Variants in TSHR observed in about 807,000 individuals in gnomAD.
TSHR encodes the protein thyroid stimulating hormone receptor.
TSHR carries 51 observed loss-of-function variants against 64.1 expected under a neutral mutation model. The observed-to-expected ratio is 0.80, with a 90% confidence interval of 0.64 to 1.01. The LOEUF (loss-of-function observed/expected upper bound fraction) is 1.01, where lower values mean the gene tolerates loss of function less well. TSHR is among the 50% of genes least tolerant of loss of function. The pLI is 0.00. For synonymous variants in TSHR, 361 were observed against 361.9 expected (o/e 1.00, Z 0.03); for missense variants, 877 against 942.8 (o/e 0.93, Z 0.91).
chr14:81,050,639 C>G (rs1365991414), intron 1 of TSHR: 1 of 152,122 alleles, frequency 6.6e-6, no homozygotes, highest in Non-Finnish European at 1.5e-5. Context: ...GTGGTAGGTA[C>G]AATCCTATAA....
chr14:81,110,394 C>T (rs933920102), intron 8 of TSHR, among the ~76,000 whole-genome samples: 3 of 152,156 alleles, frequency 2.0e-5, no homozygotes, highest in African/African-American at 4.8e-5. Context: ...GATGGGCGCT[C>T]ACAGAGGAAA....
chr14:81,082,081 C>T (rs796228107), intron 3 of TSHR, among the ~76,000 whole-genome samples: 1 of 152,028 alleles, frequency 6.6e-6, no homozygotes, highest in Admixed American at 6.6e-5. Context: ...CTTGATAATA[C>T]TATTTAATGT....
intron 1 of TSHR, among the ~76,000 whole-genome samples, chr14:81,034,402 G>A (rs1884517162): frequency 1.3e-5 from 2 of 152,196 alleles, no homozygotes; most frequent in South Asian, 2.1e-4. Flanking sequence ...TGGAGCAGAA[G>A]GATCGCTTGA....
rs149834591 is a variant in TSHR, at chr14:80,978,856, G to C, written c.170+23006G>C. Among the ~76,000 whole-genome samples the C allele has an allele frequency of 7.9e-3, 1,203 of 152,238 alleles. 11 individuals carry two copies. Among genetic ancestry groups the C allele is most frequent in the Middle Eastern group, 0.044 (13 of 294 alleles). Reference sequence around the variant, plus strand: ...CTCTACCTATCATTTAAATGATGCTGGATGGTTTTGAGGTTCTTATCTCAT... The same window carrying C: ...CTCTACCTATCATTTAAATGATGCTCGATGGTTTTGAGGTTCTTATCTCAT... On this transcript the variant is annotated intron_variant, in intron 1 of 9. Transcript: ENST00000298171.
intron 8 of TSHR, among the ~76,000 whole-genome samples, chr14:81,118,221 A>C (rs1340816484): frequency 2.0e-5 from 2 of 99,310 alleles, no homozygotes; most frequent in Non-Finnish European, 3.9e-5. Flanking sequence ...AATTAGGAAA[A>C]GAGGAAGTCA....
At position 81,143,605 on chromosome 14, in the gene TSHR, C is replaced by T. The variant is rs765336502; in HGVS notation, c.1547C>T (p.Thr516Ile). The change falls in exon 10 of 10, where the codon ACC becomes ATC. Residue 516 changes from threonine to isoleucine, a missense_variant. By Grantham distance (89) the Thr-to-Ile change is moderately conservative. Coordinates refer to ENST00000298171, the MANE Select transcript of TSHR (RefSeq NM_000369.5). ...ELSVYTLTVI[T>I]LERWYAITFA... ...TCGGTGTATACGCTGACGGTCATCACCCTGGAGCGCTGGTATGCCATCACC... is the reference window on the plus strand; with the variant it reads ...TCGGTGTATACGCTGACGGTCATCATCCTGGAGCGCTGGTATGCCATCACC... 6.2e-7 allele frequency: 1 copy of T among 1,613,812 alleles called. No individual in the cohort carries two copies. The highest frequency in any genetic ancestry group is 8.5e-7 in the Non-Finnish European group (1 of 1,180,044).
intron 7 of TSHR, among the ~76,000 whole-genome samples, chr14:81,101,556 G>A (rs1889582990): frequency 6.6e-6 from 1 of 152,122 alleles, no homozygotes. Flanking sequence ...ATACATTTAA[G>A]GTAGGTTAAT....
At chr14:81,138,276 C>T (rs1465204051) in intron 8 of TSHR, among the ~76,000 whole-genome samples, 2 of 150,854 alleles carry the variant, frequency 1.3e-5, no homozygotes, top group African/African-American at 4.9e-5. Flanking sequence ...CTGCAACTTC[C>T]GCCTCCCAGG....
chr14:81,026,180 T>C (rs1229950060), intron 1 of TSHR, among the ~76,000 whole-genome samples: 1 of 152,230 alleles, frequency 6.6e-6, no homozygotes, highest in Non-Finnish European at 1.5e-5. Context: ...CCATTGAATG[T>C]AAACTCCAGG....
At chr14:80,988,698 T>A (rs1888592046) in intron 1 of TSHR, among the ~76,000 whole-genome samples, 1 of 152,234 alleles carries the variant, frequency 6.6e-6, no homozygotes, top group Admixed American at 6.5e-5. Flanking sequence ...TTTGGTCCAC[T>A]AAGCTTGAGG....
At chr14:81,033,340 A>G in intron 1 of TSHR, 1 of 314,038 alleles carries the variant, frequency 3.2e-6, no homozygotes, top group Non-Finnish European at 6.2e-6. Context: ...GACAGTGAAG[A>G]CAGCTCCGAA....
At position 81,002,934 on chromosome 14, in the gene TSHR, G is replaced by A. The variant is rs1304202707; in HGVS notation, c.170+47084G>A. On this transcript the variant is annotated intron_variant, in intron 1 of 9. Transcript: ENST00000298171. ...ATGCTGGTGCGCTGCACCCACTAAC[G>A]TGTCATCTAGCATTAGGTATATCTC... is the stretch of plus-strand genomic sequence containing the variant. 3.7e-4 allele frequency among the ~76,000 whole-genome samples: 37 copies of A among 101,256 alleles called. 8 individuals are homozygous for A. The highest frequency in any genetic ancestry group is 2.3e-3 in the Admixed American group (19 of 8,158). 66.4% of individuals were successfully genotyped at this position (101,256 alleles called of 152,430 possible).
chr14:81,092,799 AACAAG>A (rs1193171992), intron 6 of TSHR, among the ~76,000 whole-genome samples, 191 bp downstream of exon 6: 1 of 152,218 alleles, frequency 6.6e-6, no homozygotes, highest in Admixed American at 6.5e-5. Context: ...CAGTTTAGGT[AACAAG>A]ACAAGAGGAT....
chr14:81,050,692 A>C (rs1468708340), intron 1 of TSHR: 1 of 152,184 alleles, frequency 6.6e-6, no homozygotes, highest in Non-Finnish European at 1.5e-5. Flanking sequence ...GTTAAAAACT[A>C]TTTTTAATTG....
chr14:81,094,873 A>T (rs1444817862), intron 6 of TSHR, among the ~76,000 whole-genome samples: 3 of 151,716 alleles, frequency 2.0e-5, no homozygotes, highest in Non-Finnish European at 4.4e-5. Context: ...ATATATAGTT[A>T]TTTGATCCTC....
rs1887133884 is a variant in TSHR, at chr14:81,072,342, A to T, written c.317+4014A>T. 3.3e-5 allele frequency among the ~76,000 whole-genome samples: 5 copies of T among 152,310 alleles called. No homozygotes were observed. In the South Asian group the frequency reaches 1.0e-3, roughly 32 times the overall value. On this transcript the variant is annotated intron_variant, in intron 3 of 9. Transcript: ENST00000298171. ...TAGCTTTTTAAAAAAAGTATAGGAC[A>T]TTATAAATAATGTGAAAGTGTTCTA...
At chr14:81,082,089 T>C (rs1392970371) in intron 3 of TSHR, among the ~76,000 whole-genome samples, 2 of 152,210 alleles carry the variant, frequency 1.3e-5, no homozygotes, top group South Asian at 2.1e-4. Flanking sequence ...TACTATTTAA[T>C]GTGCTCTGGA....
intron 1 of TSHR, among the ~76,000 whole-genome samples, chr14:80,990,677 G>A (rs1380032257): frequency 6.6e-6 from 1 of 150,804 alleles, no homozygotes; most frequent in African/African-American, 2.4e-5. Flanking sequence ...TTTTTTACAC[G>A]GAGTTTCGCT....
chr14:81,129,264 C>T lies in TSHR; in HGVS notation c.693-10415C>T, dbSNP rs181146629. Among the ~76,000 whole-genome samples the T allele has an allele frequency of 3.4e-3, 518 of 152,276 alleles. 1 individual carries two copies. The highest frequency in any genetic ancestry group is 6.0e-3 in the Non-Finnish European group (408 of 68,022). On this transcript the variant is annotated intron_variant, in intron 8 of 9. Coordinates refer to ENST00000298171, the MANE Select transcript of TSHR (RefSeq NM_000369.5). ...TTAATCCTTCAATTTTTTGGTTCTG[C>T]CAGGATCTACAGTCTGTTACTAACA...
Sources: gnomAD v4.1 joint callset for allele counts (sites outside exome capture counted in the v4.1 genomes callset) on GRCh38, gnomAD v4.1.1 for gene constraint, MANE v1.5 for transcripts, NCBI Gene and HGNC (gene_info 2026-07-23, HGNC 2026-07-21) for gene names.